GUCY1A2: variants seen among roughly 807,000 people sequenced by gnomAD.
GUCY1A2 encodes guanylate cyclase 1 soluble subunit alpha 2.
A neutral mutation model predicts 63.5 loss-of-function variants in GUCY1A2; 27 were observed. The ratio of observed to expected loss-of-function variants is 0.43; its 90% CI spans 0.31 to 0.59. The LOEUF is 0.59. GUCY1A2 is among the 20% of genes least tolerant of loss of function. GUCY1A2 has a pLI of 0.11. For synonymous variants in GUCY1A2, 364 were observed against 343.5 expected (o/e 1.06, Z -0.66); for missense variants, 768 against 913.3 (o/e 0.84, Z 2.05).
At chr11:106,760,771 C>T (rs1316643696) in intron 6 of GUCY1A2, among the ~76,000 whole-genome samples, 1 of 151,934 alleles carries the variant, frequency 6.6e-6, no homozygotes, top group Admixed American at 6.6e-5. Flanking sequence ...ATAACTGGCC[C>T]ATCATTTCCA....
chr11:106,971,668 C>A lies in GUCY1A2; in HGVS notation c.487+6951G>T, dbSNP rs188466565. On this transcript the variant is annotated intron_variant, in intron 3 of 7. Transcript: ENST00000526355. Reference sequence around the variant, plus strand: ...ACTCATATTTAGCATATGATGAATACATATAAAAATGTTTATAGATGGGCA... The same window carrying A: ...ACTCATATTTAGCATATGATGAATAAATATAAAAATGTTTATAGATGGGCA... Among the ~76,000 whole-genome samples, 443 of 152,134 alleles carry A rather than the reference C, an allele frequency of 2.9e-3. 3 individuals are homozygous for A. The highest frequency in any genetic ancestry group is 0.014 in the Middle Eastern group (4 of 294).
At chr11:106,837,267 A>G (rs571771299) in intron 4 of GUCY1A2, among the ~76,000 whole-genome samples, 1 of 151,988 alleles carries the variant, frequency 6.6e-6, no homozygotes, top group Non-Finnish European at 1.5e-5. Context: ...CTTTTCTTGT[A>G]TTAGTCTGCT....
intron 3 of GUCY1A2, among the ~76,000 whole-genome samples, chr11:106,965,926 T>TA (rs5794511): frequency 0.74 from 108,396 of 145,836 alleles, 40,101 homozygotes; most frequent in Middle Eastern, 0.85. Context: ...AAGTGAAGGT[T>TA]AAAAAAAAAA....
chr11:106,915,194 TA>T (rs1454258697), intron 4 of GUCY1A2, among the ~76,000 whole-genome samples: 11 of 152,078 alleles, frequency 7.2e-5, no homozygotes, highest in African/African-American at 2.7e-4. Context: ...GAAGGTAAAA[TA>T]AAATATTGTA....
At chr11:106,690,544 A>C (rs1186334512) in intron 7 of GUCY1A2, among the ~76,000 whole-genome samples, 5 of 152,136 alleles carry the variant, frequency 3.3e-5, no homozygotes, top group Non-Finnish European at 7.4e-5. Context: ...GAAGGATGGG[A>C]GGAGGGAGAG....
At chr11:106,956,414 A>G (rs1860985156) in intron 3 of GUCY1A2, among the ~76,000 whole-genome samples, 1 of 151,636 alleles carries the variant, frequency 6.6e-6, no homozygotes, top group Non-Finnish European at 1.5e-5. Context: ...CAATTTGTCT[A>G]CTTTCAGTCT....
At chr11:106,747,881 T>C (rs1485707983) in intron 6 of GUCY1A2, among the ~76,000 whole-genome samples, 1 of 152,164 alleles carries the variant, frequency 6.6e-6, no homozygotes, top group Admixed American at 6.5e-5. Flanking sequence ...AGGGTTACTA[T>C]TCCCTTACTT....
chr11:106,689,482 C>A (rs1862584275), intron 7 of GUCY1A2, among the ~76,000 whole-genome samples: 1 of 152,006 alleles, frequency 6.6e-6, no homozygotes, highest in Non-Finnish European at 1.5e-5. Context: ...CAACAAAGGT[C>A]TAATATCTAG....
chr11:106,868,270 A>T (rs913512337), intron 4 of GUCY1A2, among the ~76,000 whole-genome samples: 4 of 152,092 alleles, frequency 2.6e-5, no homozygotes, highest in Non-Finnish European at 4.4e-5. Flanking sequence ...TGTCTCACAT[A>T]TTCAACCTAA....
chr11:107,003,781 T>C (rs1020476798), intron 1 of GUCY1A2, among the ~76,000 whole-genome samples: 1 of 152,188 alleles, frequency 6.6e-6, no homozygotes, highest in East Asian at 1.9e-4. Flanking sequence ...AAACTCACCA[T>C]CACGAGTTGG....
At chr11:106,758,296 A>C (rs1193435744) in intron 6 of GUCY1A2, among the ~76,000 whole-genome samples, 1 of 152,208 alleles carries the variant, frequency 6.6e-6, no homozygotes, top group Non-Finnish European at 1.5e-5. Context: ...CGTGGGACCC[A>C]CTGAGCCAGG....
chr11:106,988,547 C>G (rs1265390428), intron 1 of GUCY1A2, among the ~76,000 whole-genome samples: 1 of 152,180 alleles, frequency 6.6e-6, no homozygotes, highest in Non-Finnish European at 1.5e-5. Flanking sequence ...TTTTAAAGAT[C>G]TAGCTTTTTT....
At chr11:106,858,128 A>T (rs944859723) in intron 4 of GUCY1A2, among the ~76,000 whole-genome samples, 3 of 152,178 alleles carry the variant, frequency 2.0e-5, no homozygotes, top group Non-Finnish European at 4.4e-5. Context: ...TCATGCCTAA[A>T]TTTTCAATAT....
chr11:106,954,071 G>C (rs1860948813), intron 3 of GUCY1A2, among the ~76,000 whole-genome samples: 1 of 151,942 alleles, frequency 6.6e-6, no homozygotes, highest in Admixed American at 6.6e-5. Context: ...GGATTAGTTT[G>C]TTCTTGCCTC....
intron 6 of GUCY1A2, among the ~76,000 whole-genome samples, chr11:106,761,708 A>G (rs903814632): frequency 3.3e-5 from 5 of 152,172 alleles, no homozygotes; most frequent in Non-Finnish European, 4.4e-5. Context: ...ACCAAGTTTA[A>G]AAGGGAAGCT....
chr11:106,788,015 G>T (rs1037883647), intron 5 of GUCY1A2, among the ~76,000 whole-genome samples: 28 of 152,094 alleles, frequency 1.8e-4, no homozygotes, highest in African/African-American at 5.1e-4. Context: ...ATGTACAAGG[G>T]TTCCCTTTGC....
In GUCY1A2 at chr11:106,682,242, A is replaced by G. The variant is rs1862444559; in HGVS notation, c.*5307T>C. On this transcript the variant is annotated 3_prime_UTR_variant, in exon 8 of 8. Coordinates refer to ENST00000526355, the MANE Select transcript of GUCY1A2 (RefSeq NM_000855.3). ...TAATGGTATGAGGCCTAGAGTATTT[A>G]ACTTTTCAAAATAACTACAAATGAA... The G allele has an allele frequency of 9.3e-6, 2 of 214,612 alleles. No individual in the cohort carries two copies. Among genetic ancestry groups the G allele is most frequent in the Admixed American group, 1.2e-4 (2 of 16,986 alleles). 13.3% of individuals were successfully genotyped at this position (214,612 alleles called of 1,614,324 possible).
At chr11:106,730,818 GT>G (rs1401886874) in intron 6 of GUCY1A2, among the ~76,000 whole-genome samples, 1 of 152,098 alleles carries the variant, frequency 6.6e-6, no homozygotes, top group Non-Finnish European at 1.5e-5. Flanking sequence ...TCTGACTGGT[GT>G]TAAATGGTAT....
intron 4 of GUCY1A2, among the ~76,000 whole-genome samples, chr11:106,874,383 C>G (rs1044460948): frequency 1.3e-5 from 2 of 152,084 alleles, no homozygotes; most frequent in Non-Finnish European, 2.9e-5. Context: ...ATACAGTAGT[C>G]TGATAATAAT....
Sources: gnomAD v4.1 joint callset for allele counts (sites outside exome capture counted in the v4.1 genomes callset) on GRCh38, gnomAD v4.1.1 for gene constraint, MANE v1.5 for transcripts, NCBI Gene and HGNC (gene_info 2026-07-23, HGNC 2026-07-21) for gene names.